CPED1: variants seen among roughly 807,000 people sequenced by gnomAD.
CPED1 encodes cadherin like and PC-esterase domain containing 1.
Under a neutral mutation model 128.2 loss-of-function variants are expected in CPED1, and 114 were observed. The ratio of observed to expected loss-of-function variants is 0.89; its 90% confidence interval spans 0.76 to 1.04. The LOEUF (loss-of-function observed/expected upper bound fraction) is 1.04, where lower values mean the gene tolerates loss of function less well. Among genes scored for constraint, CPED1 ranks in the 50% least tolerant of loss-of-function variants. CPED1 has a pLI of 0.00. For synonymous variants in CPED1, 462 were observed against 426.7 expected (o/e 1.08, Z -1.02); for missense variants, 1,211 against 1,207.1 (o/e 1.00, Z -0.05).
intron 2 of CPED1, among the ~76,000 whole-genome samples, chr7:121,008,364 G>A (rs1792078322): frequency 6.6e-6 from 1 of 152,012 alleles, no homozygotes; most frequent in African/African-American, 2.4e-5. Context: ...TATCATCATT[G>A]CCAGTCATTT....
chr7:121,209,879 C>T (rs1797605824), intron 16 of CPED1, among the ~76,000 whole-genome samples: 1 of 151,794 alleles, frequency 6.6e-6, no homozygotes. Context: ...ATAACCAGAA[C>T]ACATAAACCA....
intron 5 of CPED1, among the ~76,000 whole-genome samples, chr7:121,080,215 A>T (rs1335202136): frequency 6.6e-6 from 1 of 152,222 alleles, no homozygotes; most frequent in East Asian, 1.9e-4. Flanking sequence ...ATTAATCAAT[A>T]GTTTATTCTT....
chr7:121,155,413 G>A (rs1483094601), intron 16 of CPED1, among the ~76,000 whole-genome samples: 2 of 152,148 alleles, frequency 1.3e-5, no homozygotes, highest in Non-Finnish European at 2.9e-5. Context: ...GCAATACTTG[G>A]TAAAAAGAAC....
rs375052188 is a variant in CPED1 at position 121,054,970 on chromosome 7, G to T, written c.540+7977G>T. Among the ~76,000 whole-genome samples the T allele has an allele frequency of 4.6e-5, 7 of 151,998 alleles. No individual in the cohort carries two copies. The East Asian group carries it at 1.4e-3, about 29-fold the overall frequency. ...AGAGTCATATAATTTGTAGCATTTG[G>T]GTCTGGCTTATTTCACCTTAGCAAA... On this transcript the variant is annotated intron_variant, in intron 4 of 22. Coordinates refer to ENST00000310396, the MANE Select transcript of CPED1 (RefSeq NM_024913.5).
intron 22 of CPED1, among the ~76,000 whole-genome samples, chr7:121,278,821 G>A (rs1562860709): frequency 6.6e-6 from 1 of 151,772 alleles, no homozygotes; most frequent in African/African-American, 2.4e-5. Flanking sequence ...TTAAATGGAG[G>A]GTCAACAAAC....
intron 16 of CPED1, among the ~76,000 whole-genome samples, chr7:121,196,194 A>G (rs1797268878): frequency 6.6e-6 from 1 of 152,044 alleles, no homozygotes; most frequent in Non-Finnish European, 1.5e-5. Context: ...GTCCTGGTGA[A>G]TAAAATGGTG....
chr7:121,003,823 G>C (rs1217977257), intron 2 of CPED1, among the ~76,000 whole-genome samples: 2 of 152,116 alleles, frequency 1.3e-5, no homozygotes, highest in Admixed American at 6.6e-5. Flanking sequence ...TGTCAGTAAT[G>C]GCCAGTAAAC....
intron 2 of CPED1, among the ~76,000 whole-genome samples, chr7:120,996,427 A>G (rs1268722371): frequency 6.6e-6 from 1 of 152,222 alleles, no homozygotes; most frequent in Non-Finnish European, 1.5e-5. Context: ...TGCAAAGTCC[A>G]AAATATTCTT....
intron 16 of CPED1, among the ~76,000 whole-genome samples, chr7:121,230,905 G>C (rs1327217960): frequency 6.6e-6 from 1 of 152,018 alleles, no homozygotes; most frequent in Non-Finnish European, 1.5e-5. Context: ...CTCAACCTAT[G>C]ATATCTGTCA....
intron 16 of CPED1, among the ~76,000 whole-genome samples, chr7:121,235,402 G>A (rs1437263496): frequency 1.3e-5 from 2 of 152,074 alleles, no homozygotes; most frequent in African/African-American, 4.8e-5. Context: ...AAGATTTTAA[G>A]TTCACTCACC....
At chr7:121,139,892 C>A (rs1795862830) in intron 14 of CPED1, among the ~76,000 whole-genome samples, 1 of 151,946 alleles carries the variant, frequency 6.6e-6, no homozygotes, top group Non-Finnish European at 1.5e-5. Flanking sequence ...CACCAAGATA[C>A]TTCAATTTTA....
chr7:121,236,084 G>A (rs1278504528), intron 16 of CPED1, among the ~76,000 whole-genome samples: 2 of 152,152 alleles, frequency 1.3e-5, no homozygotes, highest in African/African-American at 4.8e-5. Context: ...GCCTGCGGGT[G>A]CAGCTCAGTG....
chr7:121,122,514 C>G (rs1325838204), intron 7 of CPED1, among the ~76,000 whole-genome samples: 1 of 152,164 alleles, frequency 6.6e-6, no homozygotes, highest in Non-Finnish European at 1.5e-5. Flanking sequence ...GGTGGAATTC[C>G]TTATGTACAT....
intron 18 of CPED1, among the ~76,000 whole-genome samples, chr7:121,246,042 C>A (rs925532779): frequency 3.9e-5 from 6 of 152,134 alleles, no homozygotes; most frequent in Admixed American, 1.3e-4. Flanking sequence ...CCTCCATATC[C>A]TATAAATGTT....
At chr7:121,152,610 G>C (rs1796183898) in intron 16 of CPED1, among the ~76,000 whole-genome samples, 2 of 152,218 alleles carry the variant, frequency 1.3e-5, no homozygotes, top group Non-Finnish European at 2.9e-5. Flanking sequence ...GAAGATCTTG[G>C]AACAGTGCCT....
At chr7:121,103,117 C>A (rs764005023) in intron 7 of CPED1, among the ~76,000 whole-genome samples, 1 of 151,988 alleles carries the variant, frequency 6.6e-6, no homozygotes, top group Non-Finnish European at 1.5e-5. Context: ...AAGAAATCTC[C>A]TTGTGATCTG....
At chr7:121,282,439 A>T (rs377570236) in intron 22 of CPED1, among the ~76,000 whole-genome samples, 2 of 152,298 alleles carry the variant, frequency 1.3e-5, no homozygotes, top group East Asian at 3.9e-4. Context: ...ATTTCCACCC[A>T]TGAGATCAAA....
At chr7:121,139,295 G>A (rs1327970045) in intron 14 of CPED1, among the ~76,000 whole-genome samples, 1 of 151,856 alleles carries the variant, frequency 6.6e-6, no homozygotes, top group African/African-American at 2.4e-5. Flanking sequence ...TAAAATTACA[G>A]TATATCTATT....
intron 7 of CPED1, among the ~76,000 whole-genome samples, chr7:121,114,908 T>C (rs1795200777): frequency 6.6e-6 from 1 of 152,240 alleles, no homozygotes; most frequent in African/African-American, 2.4e-5. Context: ...CGTATGCGCA[T>C]GCATAATCGT....
Sources: allele counts gnomAD v4.1 joint callset (sites outside exome capture counted in the v4.1 genomes callset), GRCh38; gene constraint gnomAD v4.1.1; transcripts MANE v1.5; gene names NCBI Gene and HGNC (gene_info 2026-07-23, HGNC 2026-07-21).